Variants in CILK1 observed in about 807,000 individuals in gnomAD.
CILK1 encodes the protein serine/threonine-protein kinase ICK.
CILK1 carries 47 observed loss-of-function variants against 79.2 expected under a neutral mutation model. The observed-to-expected ratio is 0.59, with a 90% CI of 0.47 to 0.76. The LOEUF (loss-of-function observed/expected upper bound fraction) is 0.76, where lower values mean the gene tolerates loss of function less well. CILK1 is among the 30% of genes least tolerant of loss of function. The pLI is 0.00. For missense variants in CILK1, 660 were observed against 769.5 expected (o/e 0.86, Z 1.68); for synonymous variants, 266 against 275.9 (o/e 0.96, Z 0.36).
At chr6:53,018,114 G>A (rs1417593105) in intron 7 of CILK1, among the ~76,000 whole-genome samples, 6 of 152,116 alleles carry the variant, frequency 3.9e-5, no homozygotes, top group Non-Finnish European at 8.8e-5. Context: ...CAGAGAGGAA[G>A]GCAGAAGGAG....
At chr6:53,008,448 C>T (rs1764368987) in intron 12 of CILK1, among the ~76,000 whole-genome samples, 1 of 148,532 alleles carries the variant, frequency 6.7e-6, no homozygotes, top group African/African-American at 2.5e-5. Context: ...TTTTTTGAGA[C>T]AGAATCTCAC....
intron 2 of CILK1, among the ~76,000 whole-genome samples, chr6:53,038,930 C>T (rs1216156853): frequency 3.3e-5 from 5 of 152,204 alleles, no homozygotes. Context: ...GCATTTCAAT[C>T]ACATTGTCTC....
chr6:53,006,356 A>C lies in CILK1; in HGVS notation c.1703T>G (p.Met568Arg). 6.2e-7 allele frequency: 1 copy of C among 1,613,686 alleles called. No individual in the cohort carries two copies. Among genetic ancestry groups the C allele is most frequent in the Non-Finnish European group, 8.5e-7 (1 of 1,179,588 alleles). Reference protein sequence around the residue: ...SFLKKEIGSAMQRVHLAPIPD... With the variant: ...SFLKKEIGSARQRVHLAPIPD... ...AATAGGTGCTAGGTGTACCCTCTGC[A>C]TAGCAGAACCGATTTCTTTTTTCAG... Residue 568 changes from methionine (M) to arginine (R), a missense_variant, in exon 13 of 14, where the codon ATG (methionine) becomes AGG (arginine). Met to Arg is a moderately conservative substitution (Grantham distance 91). Coordinates refer to ENST00000676107, the MANE Select transcript of CILK1 (RefSeq NM_014920.5).
At chr6:53,038,462 A>T (rs910132695) in intron 2 of CILK1, among the ~76,000 whole-genome samples, 2 of 152,216 alleles carry the variant, frequency 1.3e-5, no homozygotes, top group African/African-American at 4.8e-5. Context: ...AATGCCACAT[A>T]TGGTTACTTG....
At chr6:53,006,881 T>C (rs1321185996) in intron 12 of CILK1, among the ~76,000 whole-genome samples, 1 of 152,238 alleles carries the variant, frequency 6.6e-6, no homozygotes, top group Non-Finnish European at 1.5e-5. Context: ...ACACAGGTTA[T>C]ATTAAATTAT....
chr6:53,060,308 CA>C (rs1175312074), intron 1 of CILK1, among the ~76,000 whole-genome samples: 3 of 152,178 alleles, frequency 2.0e-5, no homozygotes, highest in Admixed American at 6.5e-5. Context: ...GCAAGGACAG[CA>C]GGGGTCTACC....
chr6:53,028,915 T>G (rs1253503036), intron 5 of CILK1, among the ~76,000 whole-genome samples: 1 of 152,068 alleles, frequency 6.6e-6, no homozygotes, highest in Non-Finnish European at 1.5e-5. Flanking sequence ...TGTGTCTGCA[T>G]GTGTCTTGGG....
intron 1 of CILK1, among the ~76,000 whole-genome samples, chr6:53,044,973 G>A (rs1766963913): frequency 6.6e-6 from 1 of 152,206 alleles, no homozygotes; most frequent in African/African-American, 2.4e-5. Context: ...AGCCCAGGCA[G>A]ACTAAGATAG....
chr6:53,012,345 G>T, intron 9 of CILK1, 118 bp from the exon 10 acceptor site: 1 of 880,394 alleles, frequency 1.1e-6, no homozygotes, highest in Non-Finnish European at 1.8e-6. Flanking sequence ...GCATAACATT[G>T]CTTATCTGAA....
intron 1 of CILK1, among the ~76,000 whole-genome samples, chr6:53,058,199 T>A (rs1418609005): frequency 6.6e-6 from 1 of 152,202 alleles, no homozygotes; most frequent in Non-Finnish European, 1.5e-5. Context: ...TGTTGAGTAG[T>A]AGTTTTTCCT....
intron 3 of CILK1, 130 bp from the exon 4 acceptor site, chr6:53,032,784 A>G: frequency 1.5e-6 from 1 of 659,488 alleles, no homozygotes; most frequent in African/African-American, 1.8e-5. Context: ...GTGCTAAATT[A>G]TATTTTATTG....
intron 1 of CILK1, chr6:53,061,163 C>T (rs1753568699): frequency 6.6e-6 from 1 of 152,210 alleles, no homozygotes; most frequent in Non-Finnish European, 1.5e-5. Flanking sequence ...CCGTCAATAT[C>T]CTTCTCATAA....
intron 1 of CILK1, among the ~76,000 whole-genome samples, chr6:53,042,080 T>C (rs1294437552): frequency 3.9e-5 from 6 of 152,214 alleles, no homozygotes; most frequent in Admixed American, 3.9e-4. Flanking sequence ...AAATTGGTTT[T>C]GTTATATGTT....
chr6:53,005,640 C>T (rs1764173955), intron 13 of CILK1, among the ~76,000 whole-genome samples: 1 of 152,148 alleles, frequency 6.6e-6, no homozygotes, highest in Admixed American at 6.5e-5. Context: ...TCATTTCTTA[C>T]CTGGATAATT....
chr6:53,031,052 C>A lies in CILK1; in HGVS notation c.358+13G>T, dbSNP rs368928973. On this transcript the variant is annotated intron_variant, in intron 5 of 13. Coordinates refer to ENST00000676107, the MANE Select transcript of CILK1 (RefSeq NM_014920.5). ...CACTGCTCTTCAAAAGCACAACACTCCGAATCACCTACCGTGTTTGTGAAT... is the reference window on the plus strand; with the variant it reads ...CACTGCTCTTCAAAAGCACAACACTACGAATCACCTACCGTGTTTGTGAAT... 3.2e-6 allele frequency: 5 copies of A among 1,549,798 alleles called. No individual in the cohort carries two copies. The highest frequency in any genetic ancestry group is 4.5e-6 in the Non-Finnish European group (5 of 1,121,788).
chr6:53,035,119 AG>A (rs1346059340), intron 3 of CILK1, among the ~76,000 whole-genome samples: 1 of 152,192 alleles, frequency 6.6e-6, no homozygotes, highest in African/African-American at 2.4e-5. Context: ...TGCCTTAAGT[AG>A]AGTTGCAGAG....
chr6:53,036,668 A>G (rs549112358), intron 3 of CILK1, among the ~76,000 whole-genome samples: 26 of 152,230 alleles, frequency 1.7e-4, no homozygotes, highest in African/African-American at 6.0e-4. Flanking sequence ...CACCAGCCTC[A>G]GCCTCCCAAA....
At chr6:53,036,636 G>C (rs921745984) in intron 3 of CILK1, among the ~76,000 whole-genome samples, 2 of 151,972 alleles carry the variant, frequency 1.3e-5, no homozygotes, top group Non-Finnish European at 2.9e-5. Flanking sequence ...GGCTGGTCTC[G>C]AACTCCTGAC....
chr6:53,022,972 T>C (rs13215556), intron 5 of CILK1, among the ~76,000 whole-genome samples: 39,938 of 151,256 alleles, frequency 0.26, 5,665 homozygotes, highest in African/African-American at 0.35. Context: ...CTTGCTCTGT[T>C]GCCCAGGCTA....
Sources: allele counts gnomAD v4.1 joint callset (sites outside exome capture counted in the v4.1 genomes callset), GRCh38; gene constraint gnomAD v4.1.1; transcripts MANE v1.5; gene names NCBI Gene and HGNC (gene_info 2026-07-23, HGNC 2026-07-21).